The following NUFIP2 variants were observed in gnomAD, a reference collection of about 807,000 sequenced individuals.
NUFIP2 encodes the protein FMR1-interacting protein NUFIP2.
Under a neutral mutation model 56.9 loss-of-function variants are expected in NUFIP2, and 6 were observed. The ratio of observed to expected loss-of-function variants is 0.11; its 90% CI spans 0.06 to 0.21. The LOEUF (loss-of-function observed/expected upper bound fraction) is 0.21, where lower values mean the gene tolerates loss of function less well. NUFIP2 is among the 10% of genes least tolerant of loss of function. The pLI is 1.00. For missense variants in NUFIP2, 828 were observed against 826.8 expected (o/e 1.00, Z -0.02); for synonymous variants, 321 against 298.2 (o/e 1.08, Z -0.79).
intron 2 of NUFIP2, among the ~76,000 whole-genome samples, chr17:29,279,689 T>A (rs1448874705): frequency 1.3e-5 from 2 of 152,020 alleles, no homozygotes; most frequent in Middle Eastern, 3.4e-3. Flanking sequence ...ATGCTTCAAA[T>A]TTTTTTGTAG....
intron 1 of NUFIP2, among the ~76,000 whole-genome samples, chr17:29,292,974 T>C (rs1459778065): frequency 1.4e-5 from 2 of 144,454 alleles, no homozygotes; most frequent in African/African-American, 5.2e-5. Flanking sequence ...GTCACCCGGC[T>C]CCGCCGCCCC....
At chr17:29,269,076 T>G (rs1249899061) in intron 2 of NUFIP2, among the ~76,000 whole-genome samples, 1 of 152,168 alleles carries the variant, frequency 6.6e-6, no homozygotes, top group African/African-American at 2.4e-5. Context: ...AATTGACTAT[T>G]ACACAAGAAC....
intron 1 of NUFIP2, among the ~76,000 whole-genome samples, chr17:29,288,860 T>A (rs2069193773): frequency 6.6e-6 from 1 of 152,248 alleles, no homozygotes; most frequent in East Asian, 1.9e-4. Flanking sequence ...TCAGGTTTAA[T>A]TAAAAGTCTT....
intron 2 of NUFIP2, among the ~76,000 whole-genome samples, chr17:29,277,280 C>A (rs2153011687): frequency 6.6e-6 from 1 of 152,290 alleles, no homozygotes; most frequent in Admixed American, 6.5e-5. Context: ...CCACCTCAGC[C>A]TCCTAAAATG....
chr17:29,284,285 G>A (rs770338689), intron 2 of NUFIP2, among the ~76,000 whole-genome samples: 4 of 152,184 alleles, frequency 2.6e-5, no homozygotes, highest in South Asian at 2.1e-4. Context: ...GAAACCCACT[G>A]TTCTCAAAAG....
chr17:29,270,237 G>A (rs993580778), intron 2 of NUFIP2, among the ~76,000 whole-genome samples: 15 of 149,534 alleles, frequency 1.0e-4, no homozygotes, highest in Admixed American at 5.4e-4. Context: ...AAATCTCTGC[G>A]CAGACACCTA....
intron 2 of NUFIP2, among the ~76,000 whole-genome samples, chr17:29,274,918 T>C (rs773966714): frequency 6.6e-6 from 1 of 152,118 alleles, no homozygotes; most frequent in Non-Finnish European, 1.5e-5. Context: ...TTAATGCTAA[T>C]TCACTAAGAG....
At position 29,286,592 on chromosome 17, in the gene NUFIP2, T is replaced by C; in HGVS notation, c.1402A>G (p.Lys468Glu). The change falls in exon 2 of 4, where the codon AAG (lysine) becomes GAG (glutamate). Residue 468 changes from lysine to glutamate, a missense_variant. Physicochemically the swap from Lys to Glu is moderately conservative, Grantham distance 56 (BLOSUM62 1). This residue lies in a region of NUFIP2 where 404 missense variants were observed against 380.3 expected (regional missense o/e 1.06). Coordinates refer to ENST00000225388, the MANE Select transcript of NUFIP2 (RefSeq NM_020772.3). ...SLTSAAVEQI[K>E]TSLFIYPSNM... ...GAAGGATAGATAAAAAGGCTAGTCT[T>C]AATTTGTTCAACAGCTGCTGAAGTT... The C allele has an allele frequency of 6.2e-7, 1 of 1,614,180 alleles. No individual in the cohort carries two copies. The highest frequency in any genetic ancestry group is 8.5e-7 in the Non-Finnish European group (1 of 1,180,030).
intron 1 of NUFIP2, 36 bp from the exon 2 acceptor site, chr17:29,287,752 T>G: frequency 6.9e-7 from 1 of 1,455,702 alleles, no homozygotes; most frequent in Middle Eastern, 1.9e-4. Flanking sequence ...AAAAAAAAAA[T>G]CACAACATGT....
chr17:29,271,116 A>G (rs1010787935), intron 2 of NUFIP2, among the ~76,000 whole-genome samples: 19 of 152,216 alleles, frequency 1.2e-4, no homozygotes, highest in African/African-American at 3.9e-4. Flanking sequence ...TTTATGATAA[A>G]ATGTTATTAC....
At chr17:29,285,436 C>G (rs2069166872) in intron 2 of NUFIP2, among the ~76,000 whole-genome samples, 1 of 151,912 alleles carries the variant, frequency 6.6e-6, no homozygotes, top group African/African-American at 2.4e-5. Context: ...ACTAAAAATA[C>G]AAAAATTAGC....
Position 29,286,522 on chromosome 17 carries a change from G to T in NUFIP2, c.1472C>A (p.Pro491His). ...MLLSTAQVDL[P>H]SQTDQQNLGD... ...CAGGTTTTGCTGATCTGTCTGAGAG[G>T]GCAGATCCACTTGTGCTGTGCTCAA... The change falls in exon 2 of 4, where the codon CCC (proline) becomes CAC (histidine). Residue 491 changes from proline to histidine, a missense_variant. By Grantham distance (77) the Pro-to-His change is moderately conservative. Around this residue, in one of 3 missense-constraint regions of NUFIP2, gnomAD observed 404 missense variants for 380.3 expected, o/e 1.06. Coordinates refer to ENST00000225388, the MANE Select transcript of NUFIP2 (RefSeq NM_020772.3). 2 of 1,614,122 alleles carry T rather than the reference G, an allele frequency of 1.2e-6. No individual in the cohort carries two copies. Among genetic ancestry groups the T allele is most frequent in the Non-Finnish European group, 1.7e-6 (2 of 1,180,030 alleles).
intron 1 of NUFIP2, among the ~76,000 whole-genome samples, chr17:29,289,977 G>T (rs2069200883): frequency 6.6e-6 from 1 of 151,990 alleles, no homozygotes; most frequent in Admixed American, 6.6e-5. Flanking sequence ...AGGTTGAAGT[G>T]CAGTGATGTG....
chr17:29,275,846 G>C (rs1181987008), intron 2 of NUFIP2, among the ~76,000 whole-genome samples: 2 of 151,908 alleles, frequency 1.3e-5, no homozygotes, highest in African/African-American at 4.8e-5. Flanking sequence ...TGACCAACAT[G>C]GTGAAACCCC....
intron 2 of NUFIP2, among the ~76,000 whole-genome samples, chr17:29,284,706 CAAAAAAAAA>C (rs66700326): frequency 3.7e-4 from 20 of 53,644 alleles, no homozygotes; most frequent in African/African-American, 7.9e-4. Flanking sequence ...GACTCCATCT[CAAAAAAAAA>C]AAAAAAAAAA....
At chr17:29,278,923 C>T (rs1036321889) in intron 2 of NUFIP2, among the ~76,000 whole-genome samples, 1 of 152,142 alleles carries the variant, frequency 6.6e-6, no homozygotes, top group Non-Finnish European at 1.5e-5. Context: ...GACCTTATCC[C>T]ATATTAGGAA....
chr17:29,264,461 G>A lies in NUFIP2; in HGVS notation c.*78C>T. The A allele has an allele frequency of 1.2e-6, 1 of 858,456 alleles. No individual in the cohort carries two copies. The highest frequency in any genetic ancestry group is 1.9e-6 in the Non-Finnish European group (1 of 516,054). The allele number at this position is 858,456 out of a possible 1,614,324, so 53.2% of individuals were successfully genotyped here. ...GTTCCTCTGCTGCGTTGAAGATCTA[G>A]GAGCATAAAAGCCTTGTGTCCCCCA... On this transcript the variant is annotated 3_prime_UTR_variant, in exon 4 of 4. Coordinates refer to ENST00000225388, the MANE Select transcript of NUFIP2 (RefSeq NM_020772.3).
chr17:29,261,450 A>T lies in NUFIP2; in HGVS notation c.*3089T>A, dbSNP rs1209771742. 6.6e-6 allele frequency: 1 copy of T among 151,998 alleles called. No homozygotes were observed. Among genetic ancestry groups the T allele is most frequent in the African/African-American group, 2.4e-5 (1 of 41,404 alleles). 9.4% of individuals were successfully genotyped at this position (151,998 alleles called of 1,614,324 possible). On this transcript the variant is annotated 3_prime_UTR_variant, in exon 4 of 4. Coordinates refer to ENST00000225388, the MANE Select transcript of NUFIP2 (RefSeq NM_020772.3). ...CACACACACCCCTTTTTCAGTCTTT[A>T]TAATGGAGGGATGTTAAAAATCCCC...
chr17:29,277,938 G>A lies in NUFIP2; in HGVS notation c.2002+8054C>T, dbSNP rs570445641. ...TGAGGCAAGAGATCGCTTGAACCCAGGAGGTAGAGGTAGCAGTGAGCCGAG... is the reference window on the plus strand; with the variant it reads ...TGAGGCAAGAGATCGCTTGAACCCAAGAGGTAGAGGTAGCAGTGAGCCGAG... On this transcript the variant is annotated intron_variant, in intron 2 of 3. Coordinates refer to ENST00000225388, the MANE Select transcript of NUFIP2 (RefSeq NM_020772.3). 2.4e-3 allele frequency among the ~76,000 whole-genome samples: 361 copies of A among 152,256 alleles called. 1 individual carries two copies. Among genetic ancestry groups the A allele is most frequent in the Non-Finnish European group, 4.5e-3 (303 of 68,018 alleles).
Sources: gnomAD v4.1 joint callset for allele counts (sites outside exome capture counted in the v4.1 genomes callset) on GRCh38, gnomAD v4.1.1 for gene constraint, gnomAD v4.1.1 regional missense constraint, MANE v1.5 for transcripts, NCBI Gene and HGNC (gene_info 2026-07-23, HGNC 2026-07-21) for gene names.